KCNK10: variants seen among roughly 807,000 people sequenced by gnomAD.
The protein encoded by KCNK10 is potassium two pore domain channel subfamily K member 10, also known as potassium channel subfamily K member 10.
In KCNK10, 25 loss-of-function variants were observed where a neutral mutation model predicts 47.7. The ratio of observed to expected loss-of-function variants is 0.52; its 90% CI spans 0.38 to 0.73. KCNK10 has a LOEUF of 0.73. Among genes scored for constraint, KCNK10 ranks in the 30% least tolerant of loss-of-function variants. The pLI, the probability that KCNK10 is intolerant of heterozygous loss-of-function variation, is 0.00. For synonymous variants in KCNK10, 303 were observed against 285.6 expected, an observed-to-expected ratio of 1.06 and a Z score of -0.61; for missense variants, 563 against 714.5, an observed-to-expected ratio of 0.79 and a Z score of 2.42.
intron 2 of KCNK10, among the ~76,000 whole-genome samples, chr14:88,247,442 G>T (rs959589424): frequency 6.6e-6 from 1 of 152,194 alleles, no homozygotes; most frequent in African/African-American, 2.4e-5. Flanking sequence ...AAAGAAAGAG[G>T]CACCTTCAGT....
At chr14:88,281,734 A>G (rs1887655316) in intron 1 of KCNK10, among the ~76,000 whole-genome samples, 1 of 141,140 alleles carries the variant, frequency 7.1e-6, no homozygotes, top group African/African-American at 3.0e-5. Context: ...CTCCATATAT[A>G]TATATATATA....
At chr14:88,209,366 G>A (rs769300236) in intron 4 of KCNK10, among the ~76,000 whole-genome samples, 6 of 152,170 alleles carry the variant, frequency 3.9e-5, no homozygotes, top group Non-Finnish European at 7.3e-5. Context: ...TGCGTATGTG[G>A]TAAGATCACA....
In KCNK10 at chr14:88,184,633, G is replaced by T. The variant is rs552615536; in HGVS notation, c.*902C>A. 3.9e-5 allele frequency: 6 copies of T among 152,430 alleles called. No homozygotes were observed. Among genetic ancestry groups the T allele is most frequent in the African/African-American group, 1.2e-4 (5 of 41,564 alleles). 9.4% of individuals were successfully genotyped at this position (152,430 alleles called of 1,614,324 possible). A position where few individuals can be genotyped will look rare whatever the true frequency, so the allele number is the denominator to read the frequency against. On this transcript the variant is annotated 3_prime_UTR_variant, in exon 7 of 7. Coordinates refer to ENST00000319231, the MANE Select transcript of KCNK10 (RefSeq NM_138317.3). ...ACAGCAAGCCACTGGCATCATGCAA[G>T]GCAATTGTTTTGGTATTTCTACCCC...
intron 4 of KCNK10, among the ~76,000 whole-genome samples, chr14:88,224,799 A>G (rs1444523271): frequency 6.6e-6 from 1 of 152,166 alleles, no homozygotes; most frequent in Non-Finnish European, 1.5e-5. Flanking sequence ...TAGTACTGAC[A>G]GGGTTTCACC....
chr14:88,257,151 C>A (rs1886979537), intron 2 of KCNK10, among the ~76,000 whole-genome samples: 1 of 152,176 alleles, frequency 6.6e-6, no homozygotes, highest in South Asian at 2.1e-4. Context: ...CATCCCTCAC[C>A]TGTGATGTTG....
At position 88,286,940 on chromosome 14, in the gene KCNK10, C is replaced by T. The variant is rs150607413; in HGVS notation, c.53-23389G>A. On this transcript the variant is annotated intron_variant, in intron 1 of 6. Transcript: ENST00000319231. Reference sequence around the variant, plus strand: ...CTTCCATCTATTGAGGTGCACCCTACGGAGAAAATAAAATAGTAACATTAA... The same window carrying T: ...CTTCCATCTATTGAGGTGCACCCTATGGAGAAAATAAAATAGTAACATTAA... Among the ~76,000 whole-genome samples, 1,105 of 152,164 alleles carry T rather than the reference C, an allele frequency of 7.3e-3. 17 individuals are homozygous for T. The highest frequency in any genetic ancestry group is 0.025 in the African/African-American group (1,052 of 41,504).
chr14:88,273,117 CTGGATGAAG>C (rs1484398018), intron 1 of KCNK10, among the ~76,000 whole-genome samples: 1 of 152,052 alleles, frequency 6.6e-6, no homozygotes, highest in Non-Finnish European at 1.5e-5. Context: ...AGCCACAGGA[CTGGATGAAG>C]TGGTCCAGAG....
chr14:88,205,474 C>T (rs1885238536), intron 4 of KCNK10, among the ~76,000 whole-genome samples: 1 of 151,998 alleles, frequency 6.6e-6, no homozygotes, highest in African/African-American at 2.4e-5. Context: ...CTCCCTACTA[C>T]ACAGTGTGCT....
At chr14:88,239,992 A>C (rs1886407121) in intron 3 of KCNK10, among the ~76,000 whole-genome samples, 2 of 152,164 alleles carry the variant, frequency 1.3e-5, no homozygotes, top group African/African-American at 4.8e-5. Flanking sequence ...AATAAGACAA[A>C]GACTGATACA....
rs904239402 is a variant in KCNK10, at chr14:88,181,449, A to G, written c.*4086T>C. Reference sequence around the variant, plus strand: ...GTGTGTGTGTGTGTGTGAGAGAGAGAGAGATGTCTGTCTGATCATAGTACT... The same window carrying G: ...GTGTGTGTGTGTGTGTGAGAGAGAGGGAGATGTCTGTCTGATCATAGTACT... On this transcript the variant is annotated 3_prime_UTR_variant, in exon 7 of 7. Transcript: ENST00000319231. 2 of 152,066 alleles carry G rather than the reference A, an allele frequency of 1.3e-5. No homozygotes were observed. The highest frequency in any genetic ancestry group is 6.6e-5 in the Admixed American group (1 of 15,228). The allele number at this position is 152,066 out of a possible 1,614,324, so 9.4% of individuals were successfully genotyped here.
Position 88,247,996 on chromosome 14 carries a change from T to C in KCNK10, c.403-7176A>G, listed in dbSNP as rs188102978. Among the ~76,000 whole-genome samples the C allele has an allele frequency of 2.7e-3, 418 of 152,312 alleles. 2 individuals are homozygous for C. Among genetic ancestry groups the C allele is most frequent in the Non-Finnish European group, 4.3e-3 (294 of 68,024 alleles). On this transcript the variant is annotated intron_variant, in intron 2 of 6. Transcript: ENST00000319231. ...TCAGGGATAGATGTGTATACTTTGA[T>C]ATGATCAATAAACTTTCAGACTAAC... is the stretch of plus-strand genomic sequence containing the variant.
chr14:88,227,319 A>T, intron 4 of KCNK10, 56 bp downstream of exon 4: 2 of 1,405,420 alleles, frequency 1.4e-6, no homozygotes, highest in Non-Finnish European at 1.9e-6. Flanking sequence ...GGATCCTGTC[A>T]GGCTAAAGCC....
intron 4 of KCNK10, among the ~76,000 whole-genome samples, chr14:88,220,022 C>T (rs879320322): frequency 2.0e-5 from 3 of 152,138 alleles, no homozygotes; most frequent in African/African-American, 4.8e-5. Context: ...TACAGGGTAA[C>T]TTCTGGGAAA....
intron 1 of KCNK10, among the ~76,000 whole-genome samples, chr14:88,320,061 C>T (rs183251529): frequency 2.0e-5 from 3 of 152,208 alleles, no homozygotes; most frequent in Non-Finnish European, 4.4e-5. Flanking sequence ...ACTACTGTCA[C>T]CCCTACCTTT....
At chr14:88,303,047 A>G (rs1355514793) in intron 1 of KCNK10, among the ~76,000 whole-genome samples, 1 of 152,156 alleles carries the variant, frequency 6.6e-6, no homozygotes, top group African/African-American at 2.4e-5. Flanking sequence ...AGAAATGTGC[A>G]TGGGGCTTGC....
intron 1 of KCNK10, among the ~76,000 whole-genome samples, chr14:88,305,985 C>A (rs1252228697): frequency 6.6e-6 from 1 of 152,166 alleles, no homozygotes; most frequent in Non-Finnish European, 1.5e-5. Context: ...AATTCCCCAA[C>A]ACTTCCTGCC....
rs35954048 is a variant in KCNK10 at position 88,213,921 on chromosome 14, TTTATTATTATTA to T, written c.681+13442_681+13453del. 6.6e-3 allele frequency among the ~76,000 whole-genome samples: 831 copies of T among 126,418 alleles called. 8 individuals carry two copies. Among genetic ancestry groups the T allele is most frequent in the African/African-American group, 0.021 (792 of 37,378 alleles). 82.9% of individuals were successfully genotyped at this position (126,418 alleles called of 152,430 possible). On this transcript the variant is annotated intron_variant, in intron 4 of 6. Transcript: ENST00000319231. ...AAACTCTATGCTCTTTTTATTTTAC[TTTATTATTATTA>T]TTATTATTATTATTATTATTATTGA...
At chr14:88,208,742 A>G (rs1198570009) in intron 4 of KCNK10, among the ~76,000 whole-genome samples, 2 of 152,076 alleles carry the variant, frequency 1.3e-5, no homozygotes, top group Non-Finnish European at 2.9e-5. Context: ...ATTCCCTTTT[A>G]TTTTAACCAC....
intron 1 of KCNK10, among the ~76,000 whole-genome samples, chr14:88,272,826 G>C (rs1421858015): frequency 2.6e-5 from 4 of 152,150 alleles, no homozygotes; most frequent in Non-Finnish European, 4.4e-5. Flanking sequence ...TCAGGCAGCA[G>C]CAGAGGAGGA....
Sources: allele counts gnomAD v4.1 joint callset (sites outside exome capture counted in the v4.1 genomes callset), GRCh38; gene constraint gnomAD v4.1.1; transcripts MANE v1.5; gene names NCBI Gene and HGNC (gene_info 2026-07-23, HGNC 2026-07-21).